The following UBAP2L variants were observed in gnomAD, a reference collection of about 807,000 sequenced individuals.
UBAP2L encodes the protein ubiquitin-associated protein 2-like.
In UBAP2L, 12 loss-of-function variants were observed where a neutral mutation model predicts 130.6. The observed-to-expected ratio is 0.09, with a 90% confidence interval of 0.06 to 0.15. UBAP2L has a LOEUF of 0.15. Among genes scored for constraint, UBAP2L ranks in the 10% least tolerant of loss-of-function variants. The probability of loss-of-function intolerance (pLI) is 1.00; values close to 1 mark genes in which losing one functional copy is unlikely to be tolerated. For missense variants in UBAP2L, 965 were observed against 1,332.5 expected (o/e 0.72, Z 4.29); for synonymous variants, 503 against 524.7 (o/e 0.96, Z 0.57).
Position 154,268,753 on chromosome 1 carries a change from A to G in UBAP2L, c.2971-4A>G, listed in dbSNP as rs750765951. The G allele has an allele frequency of 1.2e-6, 2 of 1,613,838 alleles. No homozygotes were observed. Among genetic ancestry groups the G allele is most frequent in the African/African-American group, 1.3e-5 (1 of 74,892 alleles). On this transcript the variant is annotated splice_polypyrimidine_tract_variant and splice_region_variant and intron_variant, in intron 25 of 26. Transcript: ENST00000428931. ...ACTCTGTCTCCTCCTGGCCTCCTGG[A>G]TAGCAGTCCTTTGAGAAACAAGGTT... is the stretch of plus-strand genomic sequence containing the variant.
chr1:154,243,086 T>C lies in UBAP2L; in HGVS notation c.757-131T>C, dbSNP rs1052094773. The C allele has an allele frequency of 1.5e-5, 10 of 672,740 alleles. No individual in the cohort carries two copies. In the African/African-American group the frequency reaches 1.8e-4, roughly 12 times the overall value. 41.7% of individuals were successfully genotyped at this position (672,740 alleles called of 1,614,324 possible). A position where few individuals can be genotyped will look rare whatever the true frequency, so the allele number is the denominator to read the frequency against. On this transcript the variant is annotated intron_variant, in intron 9 of 26. Transcript: ENST00000428931. Reference sequence around the variant, plus strand: ...GGCTTGAAAGTCAATCCATTCAGGATTCCTCAGGGTAGATAGTTTTCTCTT... The same window carrying C: ...GGCTTGAAAGTCAATCCATTCAGGACTCCTCAGGGTAGATAGTTTTCTCTT...
At position 154,260,018 on chromosome 1, in the gene UBAP2L, A is replaced by C; in HGVS notation, c.2567A>C (p.Asn856Thr). Residue 856 changes from asparagine to threonine, a missense_variant, in exon 22 of 27, where the codon AAC (asparagine) becomes ACC (threonine). By Grantham distance (65) the Asn-to-Thr change is moderately conservative. Coordinates refer to ENST00000428931, the MANE Select transcript of UBAP2L (RefSeq NM_014847.4). ...GGGAGGGATGGTAGCCTGGCCAGCA[A>C]CCCTTATTCTGGTAGGATTGGGATG... Reference protein sequence around the residue: ...LTGRDGSLASNPYSGDLTKFG... With the variant: ...LTGRDGSLASTPYSGDLTKFG... The C allele has an allele frequency of 6.2e-7, 1 of 1,614,062 alleles. No homozygotes were observed. Among genetic ancestry groups the C allele is most frequent in the Non-Finnish European group, 8.5e-7 (1 of 1,179,980 alleles).
intron 1 of UBAP2L, among the ~76,000 whole-genome samples, chr1:154,221,601 G>A (rs984707436): frequency 2.0e-5 from 3 of 152,214 alleles, no homozygotes; most frequent in Non-Finnish European, 4.4e-5. Context: ...CGGCTGGGAG[G>A]TAGGGAGGAG....
intron 5 of UBAP2L, 45 bp from the exon 6 acceptor site, chr1:154,235,151 G>GTT (rs201031131): frequency 4.5e-5 from 32 of 712,196 alleles, no homozygotes; most frequent in Non-Finnish European, 6.0e-5. Context: ...CTGTGGTTTG[G>GTT]TTTTTTTGTT....
intron 4 of UBAP2L, among the ~76,000 whole-genome samples, chr1:154,230,048 C>T (rs1489627414): frequency 6.6e-6 from 1 of 151,912 alleles, no homozygotes; most frequent in Non-Finnish European, 1.5e-5. Flanking sequence ...CGGTGTCTCT[C>T]TCTGTCTCCC....
At chr1:154,242,459 T>G (rs1673887795) in intron 9 of UBAP2L, among the ~76,000 whole-genome samples, 2 of 152,208 alleles carry the variant, frequency 1.3e-5, no homozygotes, top group Non-Finnish European at 2.9e-5. Flanking sequence ...AATGGGCAAA[T>G]TATGTTCCTT....
intron 24 of UBAP2L, among the ~76,000 whole-genome samples, chr1:154,262,379 G>C (rs1419302211): frequency 6.6e-6 from 1 of 152,170 alleles, no homozygotes; most frequent in Non-Finnish European, 1.5e-5. Flanking sequence ...CCTCTCCCTT[G>C]CTTCCATACC....
intron 10 of UBAP2L, 121 bp downstream of exon 10, chr1:154,243,423 T>C: frequency 1.4e-6 from 1 of 717,908 alleles, no homozygotes; most frequent in Non-Finnish European, 2.2e-6. Context: ...CAAATTACAT[T>C]ACATCATTAC....
Position 154,251,064 on chromosome 1 carries a change from G to A in UBAP2L, c.1237G>A (p.Ala413Thr), listed in dbSNP as rs528881045. The A allele has an allele frequency of 5.8e-4, 938 of 1,612,180 alleles. 12 individuals are homozygous for A. In the South Asian group the frequency reaches 9.7e-3, roughly 17 times the overall value. The change falls in exon 13 of 27, where the codon GCA (alanine) becomes ACA (threonine). Residue 413 changes from alanine (A) to threonine (T), a missense_variant. Physicochemically the swap from Ala to Thr is moderately conservative, Grantham distance 58. Coordinates refer to ENST00000428931, the MANE Select transcript of UBAP2L (RefSeq NM_014847.4). ...AGATTTGAAGAACCCAAGTGATTCAGCAGTGCACAGCCCCTTTACAAAGCG... is the reference window on the plus strand; with the variant it reads ...AGATTTGAAGAACCCAAGTGATTCAACAGTGCACAGCCCCTTTACAAAGCG... The part of the protein sequence containing the change: ...QYDLKNPSDS[A>T]VHSPFTKRQA...
In UBAP2L at chr1:154,249,345, A is replaced by G. The variant is rs1676723276; in HGVS notation, c.1121A>G (p.Gln374Arg). Reference sequence around the variant, plus strand: ...TTCAAGACTGCCCAAGCCCTGGCTCAGTTGGCAGCTCAGCATTCTCAGTCT... The same window carrying G: ...TTCAAGACTGCCCAAGCCCTGGCTCGGTTGGCAGCTCAGCATTCTCAGTCT... The part of the protein sequence containing the change: ...EQFKTAQALA[Q>R]LAAQHSQSGS... Residue 374 changes from glutamine to arginine, a missense_variant, in exon 12 of 27, where the codon CAG becomes CGG. Gln to Arg is a conservative substitution (Grantham distance 43, BLOSUM62 1). Transcript: ENST00000428931. The G allele has an allele frequency of 1.2e-6, 2 of 1,614,098 alleles. No individual in the cohort carries two copies. The highest frequency in any genetic ancestry group is 3.3e-5 in the Admixed American group (2 of 60,002).
chr1:154,225,005 G>A lies in UBAP2L; in HGVS notation c.-40-79G>A, dbSNP rs535965617. The A allele has an allele frequency of 3.8e-6, 3 of 781,954 alleles. No individual in the cohort carries two copies. In the African/African-American group the frequency reaches 5.2e-5, roughly 14 times the overall value. The allele number at this position is 781,954 out of a possible 1,614,324, so 48.4% of individuals were successfully genotyped here. A position where few individuals can be genotyped will look rare whatever the true frequency, so the allele number is the denominator to read the frequency against. On this transcript the variant is annotated intron_variant, in intron 1 of 26. Transcript: ENST00000428931. ...TTCCTTTGAAGAAGTGAAAGTGTTTGGTGGTGAAGGTGCTGATGAGAGAGT... is the reference window on the plus strand; with the variant it reads ...TTCCTTTGAAGAAGTGAAAGTGTTTAGTGGTGAAGGTGCTGATGAGAGAGT...
intron 11 of UBAP2L, among the ~76,000 whole-genome samples, chr1:154,247,617 T>C (rs1334332615): frequency 6.6e-6 from 1 of 152,200 alleles, no homozygotes; most frequent in Non-Finnish European, 1.5e-5. Context: ...TAGTCTCAGC[T>C]ACTCTGGAGG....
At chr1:154,231,357 A>G (rs1047454894) in intron 4 of UBAP2L, among the ~76,000 whole-genome samples, 5 of 149,280 alleles carry the variant, frequency 3.3e-5, no homozygotes, top group Non-Finnish European at 5.9e-5. Flanking sequence ...CTGGAGTGCA[A>G]TGGTGAGATC....
Position 154,255,287 on chromosome 1 carries a change from G to C in UBAP2L, c.2045G>C (p.Ser682Thr), listed in dbSNP as rs1482337798. The C allele has an allele frequency of 1.2e-6, 2 of 1,614,200 alleles. No homozygotes were observed. The highest frequency in any genetic ancestry group is 2.2e-5 in the South Asian group (2 of 91,088). Residue 682 changes from serine to threonine, a missense_variant, in exon 17 of 27, where the codon AGT becomes ACT. By Grantham distance (58) the Ser-to-Thr change is moderately conservative. Coordinates refer to ENST00000428931, the MANE Select transcript of UBAP2L (RefSeq NM_014847.4). Reference sequence around the variant, plus strand: ...TCCTCCTTGGGTGGCTTGAGCCACAGTGAGGAGATTCCAAATACTACCACC... The same window carrying C: ...TCCTCCTTGGGTGGCTTGAGCCACACTGAGGAGATTCCAAATACTACCACC... ...HSSSLGGLSH[S>T]EEIPNTTTTQ... is the part of the protein sequence containing the mutation.
At chr1:154,258,348 A>C (rs1680368210) in intron 20 of UBAP2L, among the ~76,000 whole-genome samples, 1 of 152,184 alleles carries the variant, frequency 6.6e-6, no homozygotes, top group Admixed American at 6.6e-5. Context: ...TGGTTAGAGG[A>C]AAGTTTCCTG....
intron 6 of UBAP2L, 90 bp from the exon 7 acceptor site, chr1:154,236,476 C>A (rs1247326855): frequency 1.4e-6 from 2 of 1,393,850 alleles, no homozygotes; most frequent in Admixed American, 3.4e-5. Flanking sequence ...CTGGGATTAC[C>A]ACCGGGAGCC....
chr1:154,225,799 C>A (rs1667732793), intron 2 of UBAP2L, among the ~76,000 whole-genome samples: 1 of 152,154 alleles, frequency 6.6e-6, no homozygotes, highest in Non-Finnish European at 1.5e-5. Context: ...ATTTCTTAGA[C>A]CTTCCACCTT....
chr1:154,264,996 T>C (rs1682795286), intron 24 of UBAP2L, among the ~76,000 whole-genome samples: 1 of 152,230 alleles, frequency 6.6e-6, no homozygotes, highest in South Asian at 2.1e-4. Context: ...ATTAGCCCTT[T>C]AAGATACTCC....
chr1:154,249,097 G>A (rs1676632808), intron 11 of UBAP2L, 142 bp from the exon 12 acceptor site: 1 of 750,032 alleles, frequency 1.3e-6, no homozygotes, highest in Non-Finnish European at 2.2e-6. Flanking sequence ...CTATACTCTA[G>A]TGGACTATGC....
Sources: allele counts gnomAD v4.1 joint callset (sites outside exome capture counted in the v4.1 genomes callset), GRCh38; gene constraint gnomAD v4.1.1; transcripts MANE v1.5; gene names NCBI Gene and HGNC (gene_info 2026-07-23, HGNC 2026-07-21).